The following SGPP1 variants were observed in gnomAD, a reference collection of about 807,000 sequenced individuals.
The protein encoded by SGPP1 is sphingosine-1-phosphate phosphatase 1.
In SGPP1, 21 loss-of-function variants were observed where a neutral mutation model predicts 33.0. The ratio of observed to expected loss-of-function variants is 0.64; its 90% CI spans 0.45 to 0.92. The LOEUF (loss-of-function observed/expected upper bound fraction) is 0.92. Ranked by LOEUF, SGPP1 falls within the 40% of genes least tolerant of loss-of-function variation. The pLI, the probability that SGPP1 is intolerant of heterozygous loss-of-function variation, is 0.00. For missense variants in SGPP1, 543 were observed against 589.4 expected, an observed-to-expected ratio of 0.92 and a Z score of 0.81; for synonymous variants, 239 against 241.2, an observed-to-expected ratio of 0.99 and a Z score of 0.08.
intron 1 of SGPP1, among the ~76,000 whole-genome samples, chr14:63,703,916 C>A (rs1448840591): frequency 6.7e-6 from 1 of 149,970 alleles, no homozygotes; most frequent in Non-Finnish European, 1.5e-5. Context: ...GCCTCCAACT[C>A]CTGGACTCAT....
chr14:63,727,982 C>T lies in SGPP1; in HGVS notation c.-38G>A, dbSNP rs374820252. 1 of 1,519,574 alleles carries T rather than the reference C, an allele frequency of 6.6e-7. No homozygotes were observed. The highest frequency in any genetic ancestry group is 8.8e-7 in the Non-Finnish European group (1 of 1,142,046). 94.1% of individuals were successfully genotyped at this position (1,519,574 alleles called of 1,614,324 possible). ...CCCGGGAAGGCGGGCCGGCCTCCGGCGCAGCCCCGAACTGTCCCCGCGCTC... is the reference window on the plus strand; with the variant it reads ...CCCGGGAAGGCGGGCCGGCCTCCGGTGCAGCCCCGAACTGTCCCCGCGCTC... On this transcript the variant is annotated 5_prime_UTR_variant, in exon 1 of 3. Coordinates refer to ENST00000247225, the MANE Select transcript of SGPP1 (RefSeq NM_030791.4).
rs549022099 is a variant in SGPP1, at chr14:63,686,366, G to A, written c.1065C>T (p.Pro355=). ...PSLDTLPLAG[P]PITVTLFGKA... is the part of the protein sequence containing the mutation. ...TTCCAAACAGAGTCACAGTAATGGG[G>A]GGCCCAGCTAAAGGTAATGTATCTA... is the stretch of plus-strand genomic sequence containing the variant. The change falls in exon 3 of 3, where the codon CCC becomes CCT. Residue 355 remains proline, a synonymous_variant. Transcript: ENST00000247225. 1 of 1,614,122 alleles carries A rather than the reference G, an allele frequency of 6.2e-7. No individual in the cohort carries two copies. Among genetic ancestry groups the A allele is most frequent in the East Asian group, 2.2e-5 (1 of 44,888 alleles).
At chr14:63,703,733 A>C (rs572898993) in intron 1 of SGPP1, among the ~76,000 whole-genome samples, 1 of 151,258 alleles carries the variant, frequency 6.6e-6, no homozygotes, top group South Asian at 2.1e-4. Flanking sequence ...TTAATACATT[A>C]AAACTTAATA....
At chr14:63,721,081 C>T (rs2139655274) in intron 1 of SGPP1, among the ~76,000 whole-genome samples, 1 of 152,256 alleles carries the variant, frequency 6.6e-6, no homozygotes, top group South Asian at 2.1e-4. Flanking sequence ...CGGGGTTTCA[C>T]CATATTGGTC....
At chr14:63,708,340 C>G (rs2139644845) in intron 1 of SGPP1, among the ~76,000 whole-genome samples, 1 of 149,136 alleles carries the variant, frequency 6.7e-6, no homozygotes, top group East Asian at 2.0e-4. Context: ...ACTGCAACCT[C>G]CGCCTCCTGG....
intron 1 of SGPP1, among the ~76,000 whole-genome samples, chr14:63,724,126 C>T (rs950958119): frequency 4.6e-5 from 7 of 152,060 alleles, no homozygotes; most frequent in African/African-American, 1.4e-4. Context: ...GGGATCCTTC[C>T]GCCTCAGCCT....
intron 1 of SGPP1, among the ~76,000 whole-genome samples, chr14:63,724,401 A>G (rs771708391): frequency 6.6e-6 from 1 of 151,996 alleles, no homozygotes; most frequent in Non-Finnish European, 1.5e-5. Context: ...CCTGTCCCAA[A>G]TAAGCAGCTG....
At chr14:63,691,415 T>C (rs540007354) in intron 2 of SGPP1, among the ~76,000 whole-genome samples, 13 of 152,364 alleles carry the variant, frequency 8.5e-5, no homozygotes, top group Non-Finnish European at 1.8e-4. Context: ...TTATCTTTCC[T>C]ACCTATATTT....
chr14:63,708,254 T>C (rs1262783412), intron 1 of SGPP1, among the ~76,000 whole-genome samples: 41 of 134,962 alleles, frequency 3.0e-4, no homozygotes, highest in African/African-American at 1.3e-3. Flanking sequence ...AGCAATCCTT[T>C]TTTTTTTTTT....
chr14:63,698,446 G>A, intron 2 of SGPP1, 123 bp downstream of exon 2: 4 of 491,616 alleles, frequency 8.1e-6, no homozygotes, highest in Non-Finnish European at 1.4e-5. Context: ...GCAAAACAAA[G>A]TTAGACGACT....
chr14:63,687,851 T>A (rs911296964), intron 2 of SGPP1, among the ~76,000 whole-genome samples: 1 of 152,134 alleles, frequency 6.6e-6, no homozygotes, highest in Non-Finnish European at 1.5e-5. Flanking sequence ...TCAGGTGCAG[T>A]GGCTCACACC....
intron 1 of SGPP1, among the ~76,000 whole-genome samples, chr14:63,707,040 CAAAA>C (rs747329924): frequency 1.5e-5 from 1 of 66,332 alleles, no homozygotes; most frequent in Non-Finnish European, 3.3e-5. Flanking sequence ...GACTCTGTCC[CAAAA>C]AAAAAAAAAA....
chr14:63,716,170 G>A (rs1022140080), intron 1 of SGPP1, among the ~76,000 whole-genome samples: 7 of 152,070 alleles, frequency 4.6e-5, no homozygotes, highest in Non-Finnish European at 7.4e-5. Flanking sequence ...CAAAGATGAT[G>A]GAATTAGAAG....
At chr14:63,686,724 T>G in intron 2 of SGPP1, 68 bp from the exon 3 acceptor site, 1 of 1,126,848 alleles carries the variant, frequency 8.9e-7, no homozygotes, top group Non-Finnish European at 1.2e-6. Flanking sequence ...AAAAATAATT[T>G]ATATTTGACA....
At chr14:63,699,790 C>G (rs962822912) in intron 1 of SGPP1, among the ~76,000 whole-genome samples, 2 of 151,166 alleles carry the variant, frequency 1.3e-5, no homozygotes, top group African/African-American at 4.9e-5. Flanking sequence ...TGGTCCCTCA[C>G]TTTCTCCTTG....
Position 63,727,685 on chromosome 14 carries a change from T to C in SGPP1, c.260A>G (p.Asn87Ser), listed in dbSNP as rs1187463717. The change falls in exon 1 of 3, where the codon AAC becomes AGC. Residue 87 changes from asparagine (N) to serine (S), a missense_variant. Physicochemically the swap from Asn to Ser is conservative, Grantham distance 46 (BLOSUM62 1). Coordinates refer to ENST00000247225, the MANE Select transcript of SGPP1 (RefSeq NM_030791.4). ...GGCCGCCAGCCCGTTCCGCACGCCGTTGGGGGCGCCGCCGCCGTCCGGCTT... is the reference window on the plus strand; with the variant it reads ...GGCCGCCAGCCCGTTCCGCACGCCGCTGGGGGCGCCGCCGCCGTCCGGCTT... ...PAKPDGGGAP[N>S]GVRNGLAAEL... The C allele has an allele frequency of 8.2e-6, 11 of 1,337,086 alleles. No individual in the cohort carries two copies. The South Asian group carries it at 9.3e-5, about 11-fold the overall frequency. 82.8% of individuals were successfully genotyped at this position (1,337,086 alleles called of 1,614,324 possible).
At chr14:63,718,165 T>TGGGCAAGGTACTGTAATCCCAGTAC (rs1885672562) in intron 1 of SGPP1, among the ~76,000 whole-genome samples, 1 of 151,844 alleles carries the variant, frequency 6.6e-6, no homozygotes, top group African/African-American at 2.4e-5. Flanking sequence ...GGAGAACTGC[T>TGGGCAAGGTACTGTAATCCCAGTAC]TGAACCCAGG....
At chr14:63,686,699 TA>T (rs761690469) in intron 2 of SGPP1, 43 bp from the exon 3 acceptor site, 20 of 1,340,252 alleles carry the variant, frequency 1.5e-5, no homozygotes, top group Non-Finnish European at 2.0e-5. Context: ...TAATACTGAA[TA>T]TTTTTGGCAT....
At chr14:63,686,737 T>C in intron 2 of SGPP1, 81 bp from the exon 3 acceptor site, 1 of 1,038,038 alleles carries the variant, frequency 9.6e-7, no homozygotes, top group Non-Finnish European at 1.3e-6. Flanking sequence ...ATTTGACATT[T>C]CAAATGTTGA....
Sources: allele counts gnomAD v4.1 joint callset (sites outside exome capture counted in the v4.1 genomes callset), GRCh38; gene constraint gnomAD v4.1.1; transcripts MANE v1.5; gene names NCBI Gene and HGNC (gene_info 2026-07-23, HGNC 2026-07-21).